Variants in RBM33 observed in about 807,000 individuals in gnomAD.
RBM33 encodes RNA-binding protein 33.
In RBM33, 28 loss-of-function variants were observed where a neutral mutation model predicts 132.6. The ratio of observed to expected loss-of-function variants is 0.21; its 90% CI spans 0.16 to 0.29. The LOEUF (loss-of-function observed/expected upper bound fraction) is 0.29, where lower values mean the gene tolerates loss of function less well. Ranked by LOEUF, RBM33 falls within the 10% of genes least tolerant of loss-of-function variation. RBM33 has a pLI of 1.00. For missense variants in RBM33, 1,291 were observed against 1,518.5 expected (o/e 0.85, Z 2.49); for synonymous variants, 634 against 593.0 (o/e 1.07, Z -1.01).
intron 3 of RBM33, among the ~76,000 whole-genome samples, chr7:155,676,592 G>T (rs190689321): frequency 4.6e-5 from 7 of 152,250 alleles, no homozygotes; most frequent in Admixed American, 3.9e-4. Flanking sequence ...GACCTGTTTG[G>T]AAAGATTGAG....
rs770043210 is a variant in RBM33 at position 155,719,930 on chromosome 7, A to G, written c.1260+1487A>G. Among the ~76,000 whole-genome samples the G allele has an allele frequency of 7.9e-5, 12 of 152,302 alleles. No homozygotes were observed. In the Middle Eastern group the frequency reaches 0.01, roughly 130 times the overall value. ...TATAAACTTAGAATAGTCAATTGCA[A>G]TTTTTATTTCATTTTTCAGTTGTGC... On this transcript the variant is annotated intron_variant, in intron 9 of 17. Transcript: ENST00000401878.
intron 14 of RBM33, among the ~76,000 whole-genome samples, chr7:155,756,352 C>G (rs1801851067): frequency 6.6e-6 from 1 of 152,114 alleles, no homozygotes; most frequent in South Asian, 2.1e-4. Context: ...GGTTCTTATT[C>G]AAATCTTGTC....
At chr7:155,690,046 A>T (rs1418391150) in intron 5 of RBM33, among the ~76,000 whole-genome samples, 1 of 152,072 alleles carries the variant, frequency 6.6e-6, no homozygotes, top group East Asian at 1.9e-4. Context: ...TGTCTCGTTG[A>T]TCTGTCTGAT....
chr7:155,738,868 TG>T (rs1180844956), intron 11 of RBM33: 1 of 163,510 alleles, frequency 6.1e-6, no homozygotes, highest in East Asian at 1.8e-4. Context: ...TTCTGCTTCA[TG>T]GGTTTTCACT....
chr7:155,715,960 A>G (rs1404919510), intron 8 of RBM33, among the ~76,000 whole-genome samples: 5 of 152,256 alleles, frequency 3.3e-5, no homozygotes, highest in Non-Finnish European at 7.3e-5. Flanking sequence ...GTGTTCCGTT[A>G]TAATTTATTT....
intron 9 of RBM33, among the ~76,000 whole-genome samples, chr7:155,727,574 CCT>C (rs1043740969): frequency 5.3e-5 from 8 of 152,322 alleles, no homozygotes; most frequent in African/African-American, 1.7e-4. Context: ...ATTTGTCAAA[CCT>C]CTGTTTCAAA....
At chr7:155,726,599 C>G (rs1414773041) in intron 9 of RBM33, among the ~76,000 whole-genome samples, 3 of 152,152 alleles carry the variant, frequency 2.0e-5, no homozygotes, top group Admixed American at 2.0e-4. Flanking sequence ...TACGTTAGTA[C>G]TAAAAGTTCT....
chr7:155,677,460 T>G (rs1375772665), intron 3 of RBM33, among the ~76,000 whole-genome samples: 1 of 152,204 alleles, frequency 6.6e-6, no homozygotes, highest in Non-Finnish European at 1.5e-5. Flanking sequence ...TCCATCTGCC[T>G]TGGCCTCCCA....
chr7:155,659,544 G>C (rs1310032127), intron 1 of RBM33, among the ~76,000 whole-genome samples: 2 of 152,026 alleles, frequency 1.3e-5, no homozygotes, highest in African/African-American at 2.4e-5. Context: ...CCCATTGGAA[G>C]AGCAGAACGA....
At chr7:155,646,926 C>T (rs1019087185) in intron 1 of RBM33, among the ~76,000 whole-genome samples, 21 of 152,170 alleles carry the variant, frequency 1.4e-4, no homozygotes, top group Admixed American at 1.1e-3. Flanking sequence ...GAAATGTTTT[C>T]TTTACGAATA....
Position 155,745,538 on chromosome 7 carries a change from A to G in RBM33, c.2915A>G (p.Asn972Ser), listed in dbSNP as rs745886906. ...GVKRTVTHRTNSGGGDGPHIS... is the reference protein window; with the variant it reads ...GVKRTVTHRTSSGGGDGPHIS... ...AAAAGGACTGTCACGCACAGGACAAACAGTGGTGGTGGAGACGGGCCCCAC... is the reference window on the plus strand; with the variant it reads ...AAAAGGACTGTCACGCACAGGACAAGCAGTGGTGGTGGAGACGGGCCCCAC... Residue 972 changes from asparagine (N) to serine (S), a missense_variant, in exon 14 of 18, where the codon AAC becomes AGC. Around this residue, in one of 7 missense-constraint regions of RBM33, gnomAD observed 841 missense variants for 912.0 expected, o/e 0.92. Transcript: ENST00000401878. This position sits in a 1 kb window ranked among gnomAD's most constrained non-coding sequence, Gnocchi z 4.1. 16 of 1,612,082 alleles carry G rather than the reference A, an allele frequency of 9.9e-6. No homozygotes were observed. The highest frequency in any genetic ancestry group is 1.4e-5 in the Non-Finnish European group (16 of 1,179,124).
At chr7:155,685,068 T>C in intron 5 of RBM33, 1 of 1,546,562 alleles carries the variant, frequency 6.5e-7, no homozygotes, top group Non-Finnish European at 8.7e-7. Flanking sequence ...TGTTCATCTT[T>C]TAAAAAGAGT....
chr7:155,781,069 G>A lies in RBM33; in HGVS notation c.*6028G>A, dbSNP rs1481783549. On this transcript the variant is annotated 3_prime_UTR_variant, in exon 18 of 18. Coordinates refer to ENST00000401878, the MANE Select transcript of RBM33 (RefSeq NM_053043.3). ...TTGGAGGTGGCGGCCGTCTGACCGTGTGTTACTGCTTTGCCGACGGGGCCT... is the reference window on the plus strand; with the variant it reads ...TTGGAGGTGGCGGCCGTCTGACCGTATGTTACTGCTTTGCCGACGGGGCCT... The A allele has an allele frequency of 6.5e-6, 1 of 152,774 alleles. No homozygotes were observed. Among genetic ancestry groups the A allele is most frequent in the Non-Finnish European group, 1.5e-5 (1 of 68,108 alleles). 9.5% of individuals were successfully genotyped at this position (152,774 alleles called of 1,614,324 possible).
intron 9 of RBM33, among the ~76,000 whole-genome samples, chr7:155,733,987 C>G (rs1801034366): frequency 6.6e-6 from 1 of 152,252 alleles, no homozygotes; most frequent in South Asian, 2.1e-4. Context: ...ACTTGGCAGA[C>G]AGGCCCACAC....
intron 9 of RBM33, among the ~76,000 whole-genome samples, chr7:155,719,795 G>A (rs1349809728): frequency 2.0e-5 from 3 of 152,168 alleles, no homozygotes; most frequent in Admixed American, 1.3e-4. Context: ...ATTTTTGGAT[G>A]TGTTTTCACA....
At chr7:155,717,414 G>A (rs1162043366) in intron 8 of RBM33, among the ~76,000 whole-genome samples, 1 of 151,700 alleles carries the variant, frequency 6.6e-6, no homozygotes. Flanking sequence ...CCAGGGTTGG[G>A]TTAGGGCCTA....
chr7:155,655,969 T>C (rs1798481670), intron 1 of RBM33, among the ~76,000 whole-genome samples: 1 of 152,214 alleles, frequency 6.6e-6, no homozygotes, highest in South Asian at 2.1e-4. Context: ...CTGTAGAACA[T>C]CATTTTTACT....
intron 6 of RBM33, among the ~76,000 whole-genome samples, chr7:155,702,992 T>C (rs1800011790): frequency 6.6e-6 from 1 of 152,150 alleles, no homozygotes. Flanking sequence ...GGCTCGTCTT[T>C]CCTCTTCTGT....
intron 6 of RBM33, 105 bp downstream of exon 6, chr7:155,701,049 T>C: frequency 1.0e-6 from 1 of 995,660 alleles, no homozygotes; most frequent in Non-Finnish European, 1.6e-6. Context: ...ACTAGGTAAT[T>C]GCGGCTGCCG....
Sources: gnomAD v4.1 joint callset for allele counts (sites outside exome capture counted in the v4.1 genomes callset) on GRCh38, gnomAD v4.1.1 for gene constraint, gnomAD v4.1.1 regional missense constraint, Gnocchi (gnomAD v3.1) non-coding constraint, MANE v1.5 for transcripts, NCBI Gene and HGNC (gene_info 2026-07-23, HGNC 2026-07-21) for gene names.